ELP1: variants seen among roughly 807,000 people sequenced by gnomAD.
The protein encoded by ELP1 is elongator complex protein 1.
ELP1 carries 131 observed loss-of-function variants against 183.2 expected under a neutral mutation model. The ratio of observed to expected loss-of-function variants is 0.72; its 90% confidence interval spans 0.62 to 0.83. ELP1 has a LOEUF of 0.83. Among genes scored for constraint, ELP1 ranks in the 40% least tolerant of loss-of-function variants. The probability of loss-of-function intolerance (pLI) is 0.00; values close to 1 mark genes in which losing one functional copy is unlikely to be tolerated. For synonymous variants in ELP1, 555 were observed against 569.0 expected (o/e 0.98, Z 0.35); for missense variants, 1,550 against 1,594.9 (o/e 0.97, Z 0.48).
At chr9:108,918,283 C>T (rs1160851644) in intron 8 of ELP1, among the ~76,000 whole-genome samples, 2 of 152,102 alleles carry the variant, frequency 1.3e-5, no homozygotes, top group African/African-American at 4.8e-5. Flanking sequence ...ATATGACAGG[C>T]AAATTGTAAC....
chr9:108,895,279 G>A (rs1359797841), intron 25 of ELP1, among the ~76,000 whole-genome samples: 1 of 152,162 alleles, frequency 6.6e-6, no homozygotes, highest in African/African-American at 2.4e-5. Flanking sequence ...ACTGTAGTCT[G>A]CAGGGGTAGG....
intron 5 of ELP1, among the ~76,000 whole-genome samples, chr9:108,924,277 C>T (rs1198698358): frequency 6.6e-6 from 1 of 152,118 alleles, no homozygotes; most frequent in Non-Finnish European, 1.5e-5. Context: ...TGAGCAGCTG[C>T]AACACAGATC....
intron 25 of ELP1, 94 bp downstream of exon 25, chr9:108,896,402 T>C (rs1828547926): frequency 8.8e-7 from 1 of 1,130,532 alleles, no homozygotes; most frequent in Non-Finnish European, 1.3e-6. Flanking sequence ...CACAGAGTGA[T>C]AGCAGAAAAG....
In ELP1 at chr9:108,868,331, A is replaced by C. The variant is rs1460945310; in HGVS notation, c.*784T>G. 1 of 166,074 alleles carries C rather than the reference A, an allele frequency of 6.0e-6. No homozygotes were observed. Among genetic ancestry groups the C allele is most frequent in the Non-Finnish European group, 1.3e-5 (1 of 77,664 alleles). 10.3% of individuals were successfully genotyped at this position (166,074 alleles called of 1,614,324 possible). On this transcript the variant is annotated 3_prime_UTR_variant, in exon 37 of 37. Coordinates refer to ENST00000374647, the MANE Select transcript of ELP1 (RefSeq NM_003640.5). ...AAGTACCATGACGAAAAATAAATGA[A>C]GTGGCCTAGACACTAACAAAAATAT... is the stretch of plus-strand genomic sequence containing the variant.
In ELP1 at chr9:108,869,282, G is replaced by A. The variant is rs1474554037; in HGVS notation, c.3932-100C>T. 6.2e-6 allele frequency: 6 copies of A among 966,936 alleles called. No homozygotes were observed. The East Asian group carries it at 1.4e-4, about 23-fold the overall frequency. 59.9% of individuals were successfully genotyped at this position (966,936 alleles called of 1,614,324 possible). A position where few individuals can be genotyped will look rare whatever the true frequency, so the allele number is the denominator to read the frequency against. On this transcript the variant is annotated intron_variant, in intron 36 of 36. Transcript: ENST00000374647. Reference sequence around the variant, plus strand: ...TAAACAAACTAGGCAGGTGGAGTTTGCAGCAATAAGACCATCAGAGCCAGA... The same window carrying A: ...TAAACAAACTAGGCAGGTGGAGTTTACAGCAATAAGACCATCAGAGCCAGA...
chr9:108,933,026 C>A (rs140788377), intron 1 of ELP1, among the ~76,000 whole-genome samples: 1 of 152,276 alleles, frequency 6.6e-6, no homozygotes, highest in Non-Finnish European at 1.5e-5. Flanking sequence ...CCAGGTAGAT[C>A]ACCAATACGC....
intron 9 of ELP1, among the ~76,000 whole-genome samples, chr9:108,916,563 CA>C (rs1199480589): frequency 6.6e-6 from 1 of 151,926 alleles, no homozygotes; most frequent in Non-Finnish European, 1.5e-5. Flanking sequence ...CATTTTTAGA[CA>C]ATCAGAGAAA....
chr9:108,917,467 CAAAAAA>C, intron 9 of ELP1, 74 bp downstream of exon 9: 2 of 1,200,890 alleles, frequency 1.7e-6, no homozygotes, highest in Non-Finnish European at 2.3e-6. Flanking sequence ...AACTCCATCT[CAAAAAA>C]AAAAAAAAAA....
intron 12 of ELP1, among the ~76,000 whole-genome samples, chr9:108,908,921 T>G (rs1829112158): frequency 1.3e-5 from 2 of 152,052 alleles, no homozygotes; most frequent in South Asian, 4.2e-4. Context: ...CTTCCCCTCC[T>G]TTGCTCTGCT....
intron 36 of ELP1, among the ~76,000 whole-genome samples, chr9:108,874,642 G>T (rs1827628200): frequency 6.6e-6 from 1 of 152,168 alleles, no homozygotes; most frequent in African/African-American, 2.4e-5. Flanking sequence ...ACAAGCATAT[G>T]CCACATAAAT....
At chr9:108,911,242 T>A in intron 11 of ELP1, 62 bp from the exon 12 acceptor site, 2 of 1,458,644 alleles carry the variant, frequency 1.4e-6, no homozygotes, top group Middle Eastern at 1.7e-4. Flanking sequence ...AGATAAGCCA[T>A]CTGAACATCA....
At chr9:108,903,045 C>A (rs1337851931) in intron 15 of ELP1, 103 bp from the exon 16 acceptor site, 7 of 744,946 alleles carry the variant, frequency 9.4e-6, no homozygotes, top group Non-Finnish European at 1.6e-5. Context: ...ATTTCAATCA[C>A]TTTTTTTCTC....
At chr9:108,884,040 G>A (rs376983328) in intron 29 of ELP1, among the ~76,000 whole-genome samples, 11 of 150,434 alleles carry the variant, frequency 7.3e-5, no homozygotes, top group African/African-American at 1.9e-4. Context: ...AACAAGGAAC[G>A]CACTTTCAAA....
At chr9:108,869,223 C>T in intron 36 of ELP1, 41 bp from the exon 37 acceptor site, 1 of 1,558,690 alleles carries the variant, frequency 6.4e-7, no homozygotes, top group East Asian at 2.2e-5. Flanking sequence ...CAGACATACT[C>T]TTGTTGGAGG....
chr9:108,908,483 A>C, intron 12 of ELP1, 79 bp from the exon 13 acceptor site: 2 of 1,058,488 alleles, frequency 1.9e-6, no homozygotes, highest in South Asian at 2.6e-5. Context: ...GTCTGCAATT[A>C]ATGAGTTCTA....
chr9:108,920,704 T>C (rs997279704), intron 6 of ELP1, among the ~76,000 whole-genome samples: 1 of 152,222 alleles, frequency 6.6e-6, no homozygotes, highest in African/African-American at 2.4e-5. Flanking sequence ...AGTACTTGTA[T>C]CTGCCTACTC....
In ELP1 at chr9:108,893,941, A is replaced by G. The variant is rs754348901; in HGVS notation, c.2860+2T>C. ...GATAAACATACTAATCCCCACACTTACCACATTTGCTGAGGTGGCCAATGG... is the reference window on the plus strand; with the variant it reads ...GATAAACATACTAATCCCCACACTTGCCACATTTGCTGAGGTGGCCAATGG... On this transcript the variant is annotated splice_donor_variant, in intron 26 of 36. Coordinates refer to ENST00000374647, the MANE Select transcript of ELP1 (RefSeq NM_003640.5). LOFTEE classifies it high-confidence loss of function. The G allele has an allele frequency of 1.5e-5, 24 of 1,613,700 alleles. No homozygotes were observed. The highest frequency in any genetic ancestry group is 2.0e-5 in the Non-Finnish European group (24 of 1,179,860).
chr9:108,884,039 C>T (rs539890468), intron 29 of ELP1, among the ~76,000 whole-genome samples: 16 of 149,070 alleles, frequency 1.1e-4, no homozygotes, highest in East Asian at 7.8e-4. Context: ...CAACAAGGAA[C>T]GCACTTTCAA....
chr9:108,917,472 A>T, intron 9 of ELP1, 75 bp downstream of exon 9: 1 of 1,513,312 alleles, frequency 6.6e-7, no homozygotes, highest in Admixed American at 1.8e-5. Context: ...CATCTCAAAA[A>T]AAAAAAAAAA....
Sources: gnomAD v4.1 joint callset for allele counts (sites outside exome capture counted in the v4.1 genomes callset) on GRCh38, gnomAD v4.1.1 for gene constraint, MANE v1.5 for transcripts, NCBI Gene and HGNC (gene_info 2026-07-23, HGNC 2026-07-21) for gene names.